The following TMEM68 variants were observed in gnomAD, a reference collection of about 807,000 sequenced individuals.
The protein encoded by TMEM68 is transmembrane protein 68.
Under a neutral mutation model 36.9 loss-of-function variants are expected in TMEM68, and 25 were observed. The observed-to-expected ratio is 0.68, with a 90% CI of 0.49 to 0.95. TMEM68 has a LOEUF of 0.95. TMEM68 is among the 40% of genes least tolerant of loss of function. The pLI is 0.00. For synonymous variants in TMEM68, 131 were observed against 124.4 expected (o/e 1.05, Z -0.35); for missense variants, 333 against 392.0 (o/e 0.85, Z 1.27).
chr8:55,751,235 A>T, intron 4 of TMEM68, 78 bp from the exon 5 acceptor site: 1 of 1,261,910 alleles, frequency 7.9e-7, no homozygotes, highest in Non-Finnish European at 1.1e-6. Context: ...TTCACAAACT[A>T]CATAGTGTAC....
Position 55,762,698 on chromosome 8 carries a change from A to C in TMEM68, c.262T>G (p.Leu88Val). 6.2e-7 allele frequency: 1 copy of C among 1,614,212 alleles called. No homozygotes were observed. Among genetic ancestry groups the C allele is most frequent in the South Asian group, 1.1e-5 (1 of 91,078 alleles). ...ACTGTTTTCCTTGCACCATCCCATA[A>C]ATTATGAGAGTAGGCTTCTTTCAAT... ...NVLKEAYSHN[L>V]WDGARKTVAT... Residue 88 changes from leucine (L) to valine (V), a missense_variant, in exon 3 of 8, where the codon TTA becomes GTA. Leu to Val is a conservative substitution (Grantham distance 32). Transcript: ENST00000434581.
intron 7 of TMEM68, 118 bp downstream of exon 7, chr8:55,743,361 TGG>T: frequency 7.9e-7 from 1 of 1,266,378 alleles, no homozygotes; most frequent in South Asian, 1.7e-5. Flanking sequence ...CAATCACCTC[TGG>T]TTGAGAACCA....
At chr8:55,749,906 C>A (rs549236631) in intron 5 of TMEM68, among the ~76,000 whole-genome samples, 2 of 152,138 alleles carry the variant, frequency 1.3e-5, no homozygotes, top group African/African-American at 4.8e-5. Context: ...TATCTGGAAA[C>A]TCGAGGATTA....
At chr8:55,754,046 C>T (rs1202575980) in intron 4 of TMEM68, among the ~76,000 whole-genome samples, 2 of 151,684 alleles carry the variant, frequency 1.3e-5, no homozygotes, top group African/African-American at 2.4e-5. Flanking sequence ...GAGTCGCGAT[C>T]GCACCATTGC....
At chr8:55,751,583 A>G in intron 4 of TMEM68, 1 of 418,330 alleles carries the variant, frequency 2.4e-6, no homozygotes, top group South Asian at 1.7e-5. Flanking sequence ...AATGTGAATC[A>G]AACTACGCTT....
At chr8:55,743,385 A>T in intron 7 of TMEM68, 96 bp downstream of exon 7, 1 of 1,400,476 alleles carries the variant, frequency 7.1e-7, no homozygotes, top group Non-Finnish European at 9.4e-7. Context: ...TGACCTAGAC[A>T]TGCTTGTAGA....
chr8:55,757,455 A>T (rs1468146673), intron 3 of TMEM68, among the ~76,000 whole-genome samples: 2 of 152,172 alleles, frequency 1.3e-5, no homozygotes, highest in Non-Finnish European at 2.9e-5. Context: ...GTGTGCTCAC[A>T]AGAAAGATTA....
chr8:55,748,024 C>T (rs1422183448), intron 5 of TMEM68: 1 of 152,044 alleles, frequency 6.6e-6, no homozygotes, highest in Non-Finnish European at 1.5e-5. Flanking sequence ...TTTCTAGGGC[C>T]CACTAAATAA....
At chr8:55,769,270 C>A (rs1044469004) in intron 1 of TMEM68, among the ~76,000 whole-genome samples, 2 of 122,924 alleles carry the variant, frequency 1.6e-5, no homozygotes, top group Admixed American at 1.1e-4. Context: ...TTATATAAGC[C>A]GAGATTCTGA....
chr8:55,741,388 T>C (rs1810097967), intron 7 of TMEM68, among the ~76,000 whole-genome samples: 2 of 152,198 alleles, frequency 1.3e-5, no homozygotes, highest in Non-Finnish European at 2.9e-5. Flanking sequence ...TTCCGTGATG[T>C]GTATTAAGTG....
At chr8:55,769,564 CACTT>C (rs1420181431) in intron 1 of TMEM68, among the ~76,000 whole-genome samples, 2 of 152,112 alleles carry the variant, frequency 1.3e-5, no homozygotes, top group East Asian at 1.9e-4. Context: ...ATACGAAAAA[CACTT>C]ACTTTCTGGC....
intron 1 of TMEM68, among the ~76,000 whole-genome samples, chr8:55,771,201 T>C (rs1229708439): frequency 2.0e-5 from 3 of 151,552 alleles, no homozygotes; most frequent in African/African-American, 7.3e-5. Context: ...CATATTGACA[T>C]TGATGGTGAG....
rs146386949 is a variant in TMEM68, at chr8:55,772,258, A to C, written c.-115+1011T>G. On this transcript the variant is annotated intron_variant, in intron 1 of 7. Coordinates refer to ENST00000434581, the MANE Select transcript of TMEM68 (RefSeq NM_001286657.2). ...AATACTATTGAAAATACCATTCAAA[A>C]TGCATGAATTTTAGCTCAGTTTTTA... Among the ~76,000 whole-genome samples the C allele has an allele frequency of 3.4e-3, 522 of 152,342 alleles. 14 individuals carry two copies. Among genetic ancestry groups the C allele is most frequent in the Admixed American group, 0.028 (428 of 15,306 alleles).
At chr8:55,754,872 AG>A (rs1029421608) in intron 4 of TMEM68, among the ~76,000 whole-genome samples, 1 of 135,588 alleles carries the variant, frequency 7.4e-6, no homozygotes. Flanking sequence ...TAAAATATAT[AG>A]TATATATTTA....
Position 55,740,168 on chromosome 8 carries a change from T to G in TMEM68, c.939A>C (p.Gly313=). 2.5e-6 allele frequency: 4 copies of G among 1,613,546 alleles called. No homozygotes were observed. Among genetic ancestry groups the G allele is most frequent in the Non-Finnish European group, 3.4e-6 (4 of 1,179,892 alleles). Reference sequence around the variant, plus strand: ...GTTCTAACAAAGCACTCATAATGTTTCCTGGTATTCTTTGGTGCTTATCAA... The same window carrying G: ...GTTCTAACAAAGCACTCATAATGTTGCCTGGTATTCTTTGGTGCTTATCAA... The part of the protein sequence containing the change: ...ALIDKHQRIP[G]NIMSALLERF... The change falls in exon 8 of 8, where the codon GGA becomes GGC. Residue 313 remains glycine, a synonymous_variant. Transcript: ENST00000434581.
chr8:55,769,926 C>G (rs923731799), intron 1 of TMEM68, among the ~76,000 whole-genome samples: 2 of 152,186 alleles, frequency 1.3e-5, no homozygotes, highest in African/African-American at 4.8e-5. Context: ...AGCCACCCTG[C>G]TTGGCCTCAT....
chr8:55,741,431 A>G (rs1050493248), intron 7 of TMEM68, among the ~76,000 whole-genome samples: 1 of 152,234 alleles, frequency 6.6e-6, no homozygotes, highest in African/African-American at 2.4e-5. Context: ...CATTCGAAAA[A>G]TATTAGATGC....
chr8:55,772,493 T>C (rs1811210890), intron 1 of TMEM68, among the ~76,000 whole-genome samples: 1 of 152,056 alleles, frequency 6.6e-6, no homozygotes. Flanking sequence ...CCACATGAAC[T>C]TTTTTCTTAT....
intron 1 of TMEM68, among the ~76,000 whole-genome samples, chr8:55,770,600 T>C (rs1216022589): frequency 6.6e-6 from 1 of 151,664 alleles, no homozygotes; most frequent in Non-Finnish European, 1.5e-5. Flanking sequence ...CTTGAGCCCG[T>C]GGAGTGAAGA....
Sources: allele counts gnomAD v4.1 joint callset (sites outside exome capture counted in the v4.1 genomes callset), GRCh38; gene constraint gnomAD v4.1.1; transcripts MANE v1.5; gene names NCBI Gene and HGNC (gene_info 2026-07-23, HGNC 2026-07-21).